The following DNAH17 variants were observed in gnomAD, a reference collection of about 807,000 sequenced individuals.
DNAH17 encodes dynein axonemal heavy chain 17.
Under a neutral mutation model 485.6 loss-of-function variants are expected in DNAH17, and 376 were observed. The ratio of observed to expected loss-of-function variants is 0.77; its 90% confidence interval spans 0.71 to 0.84. The LOEUF (loss-of-function observed/expected upper bound fraction) is 0.84, where lower values mean the gene tolerates loss of function less well. Among genes scored for constraint, DNAH17 ranks in the 40% least tolerant of loss-of-function variants. DNAH17 has a pLI of 0.00. For synonymous variants in DNAH17, 3,031 were observed against 2,405.9 expected, an observed-to-expected ratio of 1.26 and a Z score of -7.60; for missense variants, 6,370 against 5,839.3, an observed-to-expected ratio of 1.09 and a Z score of -2.96.
rs1429745627 is a variant in DNAH17 at position 78,439,079 on chromosome 17, C to A, written c.11805+11G>T. The A allele has an allele frequency of 1.2e-6, 2 of 1,611,852 alleles. No individual in the cohort carries two copies. The highest frequency in any genetic ancestry group is 2.2e-5 in the South Asian group (2 of 90,816). On this transcript the variant is annotated intron_variant, in intron 73 of 80. Coordinates refer to ENST00000389840, the MANE Select transcript of DNAH17 (RefSeq NM_173628.4). Reference sequence around the variant, plus strand: ...GGGAGCCCTTACCCTGCAGTGCTGGCCCCCTCGTACCTGCAGAATGACCCA... The same window carrying A: ...GGGAGCCCTTACCCTGCAGTGCTGGACCCCTCGTACCTGCAGAATGACCCA...
At chr17:78,504,681 C>T (rs1269473516) in intron 31 of DNAH17, among the ~76,000 whole-genome samples, 2 of 152,040 alleles carry the variant, frequency 1.3e-5, no homozygotes, top group African/African-American at 2.4e-5. Context: ...GGGGGCAGCC[C>T]GGAAGTTTTC....
intron 19 of DNAH17, among the ~76,000 whole-genome samples, chr17:78,534,441 G>A (rs1172551675): frequency 6.6e-6 from 1 of 152,252 alleles, no homozygotes; most frequent in Non-Finnish European, 1.5e-5. Flanking sequence ...CCACAGGGGA[G>A]AGAAACCTGA....
In DNAH17 at chr17:78,486,147, G is replaced by T. The variant is rs776683776; in HGVS notation, c.7102-14C>A. 6.2e-7 allele frequency: 1 copy of T among 1,610,618 alleles called. No individual in the cohort carries two copies. Among genetic ancestry groups the T allele is most frequent in the South Asian group, 1.1e-5 (1 of 90,600 alleles). Reference sequence around the variant, plus strand: ...ATAATCCACAAGCTGTTGAGACACAGAAGTAAAAATCAGGGCCCAGCTAAG... The same window carrying T: ...ATAATCCACAAGCTGTTGAGACACATAAGTAAAAATCAGGGCCCAGCTAAG... On this transcript the variant is annotated splice_polypyrimidine_tract_variant and intron_variant, in intron 45 of 80. Transcript: ENST00000389840.
In DNAH17 at chr17:78,507,265, G is replaced by C; in HGVS notation, c.4676+13C>G. On this transcript the variant is annotated intron_variant, in intron 29 of 80. Coordinates refer to ENST00000389840, the MANE Select transcript of DNAH17 (RefSeq NM_173628.4). ...CCACTGACTCCCCTGGTCTGGATAGGTGTGAGCCGCACCTCTTCTTCAGGG... is the reference window on the plus strand; with the variant it reads ...CCACTGACTCCCCTGGTCTGGATAGCTGTGAGCCGCACCTCTTCTTCAGGG... 6.2e-7 allele frequency: 1 copy of C among 1,613,764 alleles called. No homozygotes were observed. The highest frequency in any genetic ancestry group is 8.5e-7 in the Non-Finnish European group (1 of 1,179,804).
In DNAH17 at chr17:78,429,188, G is replaced by A. The variant is rs142758365; in HGVS notation, c.12338C>T (p.Thr4113Met). The part of the protein sequence containing the change: ...CRTYLAEYIR[T>M]EMLEGDVLLA... ...CAGGACGTCTCCCTCCAGCATCTCC[G>A]TCCGGATGTATTCAGCCAGGTAGGT... The change falls in exon 76 of 81, where the codon ACG becomes ATG. Residue 4113 changes from threonine (T) to methionine (M), a missense_variant. Coordinates refer to ENST00000389840, the MANE Select transcript of DNAH17 (RefSeq NM_173628.4). 4.2e-4 allele frequency: 684 copies of A among 1,613,780 alleles called. No individual in the cohort carries two copies. The highest frequency in any genetic ancestry group is 5.4e-4 in the Non-Finnish European group (633 of 1,179,884).
chr17:78,506,947 C>A (rs1046818023), intron 29 of DNAH17, 101 bp from the exon 30 acceptor site: 1 of 1,499,344 alleles, frequency 6.7e-7, no homozygotes, highest in Non-Finnish European at 9.1e-7. Flanking sequence ...CCTGGAGATG[C>A]CTGGACTGCT....
intron 17 of DNAH17, among the ~76,000 whole-genome samples, chr17:78,540,911 G>A (rs1427677961): frequency 0.015 from 1 of 66 alleles, no homozygotes; most frequent in Non-Finnish European, 0.038. Flanking sequence ...GGGTGGGTGG[G>A]TGGGTGGATG....
At chr17:78,439,012 T>G in intron 73 of DNAH17, 78 bp downstream of exon 73, 1 of 1,540,346 alleles carries the variant, frequency 6.5e-7, no homozygotes, top group Non-Finnish European at 8.7e-7. Flanking sequence ...TCCTGCTTCC[T>G]TCCGGGCCTT....
intron 9 of DNAH17, among the ~76,000 whole-genome samples, 170 bp downstream of exon 9, chr17:78,568,996 C>A (rs754717143): frequency 6.6e-5 from 10 of 152,102 alleles, no homozygotes; most frequent in Non-Finnish European, 1.3e-4. Flanking sequence ...GCTCTGGCCA[C>A]GGCAGATGCT....
At chr17:78,476,818 C>T (rs1409119351) in intron 51 of DNAH17, 85 bp from the exon 52 acceptor site, 1 of 1,484,340 alleles carries the variant, frequency 6.7e-7, no homozygotes, top group East Asian at 2.4e-5. Context: ...GAGGAGCAGC[C>T]CCCTCCCCCG....
chr17:78,507,580 T>A lies in DNAH17; in HGVS notation c.4462A>T (p.Ile1488Phe), dbSNP rs1225994772. ...CAGGTTCGCTGGACCTCAAACCAGATGGAGATGACGGAGTCCGCCGTGGAC... is the reference window on the plus strand; with the variant it reads ...CAGGTTCGCTGGACCTCAAACCAGAAGGAGATGACGGAGTCCGCCGTGGAC... Reference protein sequence around the residue: ...KLSTADSVISIWFEVQRTWSH... With the variant: ...KLSTADSVISFWFEVQRTWSH... The change falls in exon 28 of 81, where the codon ATC becomes TTC. Residue 1488 changes from isoleucine (I) to phenylalanine (F), a missense_variant. Ile to Phe is a conservative substitution (Grantham distance 21, BLOSUM62 0). Coordinates refer to ENST00000389840, the MANE Select transcript of DNAH17 (RefSeq NM_173628.4). 28 of 1,614,168 alleles carry A rather than the reference T, an allele frequency of 1.7e-5. No homozygotes were observed. Among genetic ancestry groups the A allele is most frequent in the Non-Finnish European group, 2.4e-5 (28 of 1,179,994 alleles).
At position 78,510,466 on chromosome 17, in the gene DNAH17, A is replaced by G. The variant is rs1321329558; in HGVS notation, c.4154T>C (p.Leu1385Ser). The G allele has an allele frequency of 6.2e-7, 1 of 1,613,884 alleles. No individual in the cohort carries two copies. Among genetic ancestry groups the G allele is most frequent in the East Asian group, 2.2e-5 (1 of 44,876 alleles). The change falls in exon 27 of 81, where the codon TTA becomes TCA. Residue 1385 changes from leucine to serine, a missense_variant. Physicochemically the swap from Leu to Ser is moderately radical, Grantham distance 145 (BLOSUM62 -2). Transcript: ENST00000389840. ...KMSEETTLAD[L>S]LQLNLHSYED... Reference sequence around the variant, plus strand: ...GTAACTGTGGAGGTTCAGCTGCAGTAAATCTGCCAGGGTCGTCTCTTCTGA... The same window carrying G: ...GTAACTGTGGAGGTTCAGCTGCAGTGAATCTGCCAGGGTCGTCTCTTCTGA...
At chr17:78,468,551 C>A in intron 55 of DNAH17, 66 bp downstream of exon 55, 3 of 1,538,852 alleles carry the variant, frequency 1.9e-6, no homozygotes, top group Non-Finnish European at 1.8e-6. Flanking sequence ...GAGCAAAAAC[C>A]CATACCCTGT....
chr17:78,479,704 C>T lies in DNAH17; in HGVS notation c.7753-72G>A, dbSNP rs933677648. ...CTGCCTGGGGCCAGGGCCACCTTCG[C>T]GGGAGAGTGGCCCCTGTCCTCATGT... On this transcript the variant is annotated intron_variant, in intron 49 of 80. Transcript: ENST00000389840. 2.0e-5 allele frequency: 32 copies of T among 1,591,600 alleles called. No homozygotes were observed. In the African/African-American group the frequency reaches 2.0e-4, roughly 10 times the overall value.
intron 20 of DNAH17, among the ~76,000 whole-genome samples, chr17:78,532,004 A>C (rs1431948223): frequency 6.6e-6 from 1 of 152,142 alleles, no homozygotes. Context: ...GCCAACCCGG[A>C]GCCCACACCT....
chr17:78,485,807 G>C lies in DNAH17; in HGVS notation c.7276-50C>G, dbSNP rs1019747548. ...GGAGCTGTGATTCTCAGACACTTCT[G>C]CCTCTCGTGGGTGTGCAGGCCATGT... is the stretch of plus-strand genomic sequence containing the variant. On this transcript the variant is annotated intron_variant, in intron 46 of 80. Coordinates refer to ENST00000389840, the MANE Select transcript of DNAH17 (RefSeq NM_173628.4). 3.1e-6 allele frequency: 5 copies of C among 1,595,468 alleles called. No individual in the cohort carries two copies. The African/African-American group carries it at 6.7e-5, about 21-fold the overall frequency.
At chr17:78,526,849 A>G (rs1234295585) in intron 23 of DNAH17, 31 bp downstream of exon 23, 1 of 1,557,890 alleles carries the variant, frequency 6.4e-7, no homozygotes, top group Non-Finnish European at 8.7e-7. Context: ...TGCTCCCCGG[A>G]AATCCCGCCA....
chr17:78,446,302 ACCCCCTCGCCCCTGAAGCAGCCACT>A (rs1420979671), intron 69 of DNAH17, among the ~76,000 whole-genome samples: 10 of 149,012 alleles, frequency 6.7e-5, no homozygotes, highest in Admixed American at 2.0e-4. Flanking sequence ...CTTTTTTGTT[ACCCCCTCGCCCCTGAAGCAGCCACT>A]CCCCATCGCC....
rs772536397 is a variant in DNAH17 at position 78,434,231 on chromosome 17, C to A, written c.12034-11G>T. On this transcript the variant is annotated splice_polypyrimidine_tract_variant and intron_variant, in intron 74 of 80. Coordinates refer to ENST00000389840, the MANE Select transcript of DNAH17 (RefSeq NM_173628.4). ...CATCTCCAGGGTGTCCTGTGGGGCA[C>A]ACGCTCCGGTCAGGTATTAGGGAGA... is the stretch of plus-strand genomic sequence containing the variant. The A allele has an allele frequency of 6.3e-7, 1 of 1,597,546 alleles. No individual in the cohort carries two copies. The highest frequency in any genetic ancestry group is 8.6e-7 in the Non-Finnish European group (1 of 1,167,982).
Sources: gnomAD v4.1 joint callset for allele counts (sites outside exome capture counted in the v4.1 genomes callset) on GRCh38, gnomAD v4.1.1 for gene constraint, MANE v1.5 for transcripts, NCBI Gene and HGNC (gene_info 2026-07-23, HGNC 2026-07-21) for gene names.